CACNA1E: variants seen among roughly 807,000 people sequenced by gnomAD.
The protein encoded by CACNA1E is calcium voltage-gated channel subunit alpha1 E.
Under a neutral mutation model 259.2 loss-of-function variants are expected in CACNA1E, and 40 were observed. The ratio of observed to expected loss-of-function variants is 0.15; its 90% confidence interval spans 0.12 to 0.20. The LOEUF (loss-of-function observed/expected upper bound fraction) is 0.20, where lower values mean the gene tolerates loss of function less well. Ranked by LOEUF, CACNA1E falls within the 10% of genes least tolerant of loss-of-function variation. CACNA1E has a pLI of 1.00. For synonymous variants in CACNA1E, 1,104 were observed against 1,138.5 expected, an observed-to-expected ratio of 0.97 and a Z score of 0.61; for missense variants, 1,874 against 3,040.1, an observed-to-expected ratio of 0.62 and a Z score of 9.02.
At chr1:181,786,528 A>G (rs914803821) in intron 43 of CACNA1E, among the ~76,000 whole-genome samples, 3 of 151,424 alleles carry the variant, frequency 2.0e-5, no homozygotes, top group Non-Finnish European at 4.4e-5. Context: ...TACTTTTTCT[A>G]TAATAGGAGT....
intron 1 of CACNA1E, among the ~76,000 whole-genome samples, chr1:181,405,946 A>G (rs989182659): frequency 1.3e-5 from 2 of 152,226 alleles, no homozygotes; most frequent in African/African-American, 4.8e-5. Flanking sequence ...AAAAAATTTT[A>G]TTGAAATACA....
chr1:181,575,294 C>A (rs1015693301), intron 3 of CACNA1E, among the ~76,000 whole-genome samples: 1 of 152,168 alleles, frequency 6.6e-6, no homozygotes, highest in Non-Finnish European at 1.5e-5. Flanking sequence ...GTAGTTTCAG[C>A]CAAAGACTAA....
intron 3 of CACNA1E, among the ~76,000 whole-genome samples, chr1:181,574,328 T>G (rs537573607): frequency 7.2e-5 from 11 of 152,326 alleles, no homozygotes; most frequent in African/African-American, 2.6e-4. Context: ...CTCATTAGAC[T>G]CTAAATGCTT....
intron 7 of CACNA1E, among the ~76,000 whole-genome samples, chr1:181,663,403 C>T (rs974180897): frequency 6.6e-6 from 1 of 152,184 alleles, no homozygotes; most frequent in South Asian, 2.1e-4. Flanking sequence ...CACTATCTTC[C>T]TGTGCTTTGG....
intron 43 of CACNA1E, among the ~76,000 whole-genome samples, chr1:181,788,989 T>G (rs1304100637): frequency 6.6e-6 from 1 of 152,202 alleles, no homozygotes; most frequent in Non-Finnish European, 1.5e-5. Context: ...CTCAGCCTCC[T>G]GTGCAGCTGG....
chr1:181,766,333 C>A (rs1659022147), intron 34 of CACNA1E, among the ~76,000 whole-genome samples: 1 of 152,152 alleles, frequency 6.6e-6, no homozygotes, highest in South Asian at 2.1e-4. Flanking sequence ...AATTTTAAGC[C>A]TCCCTTTGGC....
At chr1:181,440,432 G>A (rs1030993307) in intron 2 of CACNA1E, among the ~76,000 whole-genome samples, 7 of 152,176 alleles carry the variant, frequency 4.6e-5, no homozygotes, top group Non-Finnish European at 7.3e-5. Flanking sequence ...GGTGGCCCAG[G>A]GGAGGTGGAC....
intron 46 of CACNA1E, among the ~76,000 whole-genome samples, chr1:181,795,921 A>T (rs941807132): frequency 1.3e-4 from 20 of 151,866 alleles, no homozygotes; most frequent in African/African-American, 4.6e-4. Context: ...TCAATCCTGG[A>T]CTTCTCACCA....
At position 181,804,579 on chromosome 1, in the gene CACNA1E, A is replaced by C. The variant is rs2102938508; in HGVS notation, c.*5745A>C. 1 of 152,326 alleles carries C rather than the reference A, an allele frequency of 6.6e-6. No homozygotes were observed. The highest frequency in any genetic ancestry group is 6.5e-5 in the Admixed American group (1 of 15,296). The allele number at this position is 152,326 out of a possible 1,614,324, so 9.4% of individuals were successfully genotyped here. ...TAAATGAAAACTATTGGAAGTCAAT[A>C]GTTTTTTATATTCCAGCTTTCTGTA... On this transcript the variant is annotated 3_prime_UTR_variant, in exon 48 of 48. Coordinates refer to ENST00000367573, the MANE Select transcript of CACNA1E (RefSeq NM_001205293.3).
chr1:181,506,491 A>G (rs532894312), intron 1 of CACNA1E, among the ~76,000 whole-genome samples: 9 of 152,328 alleles, frequency 5.9e-5, no homozygotes, highest in Middle Eastern at 3.4e-3. Flanking sequence ...TGCATTGAAC[A>G]TTGACTAAGC....
chr1:181,325,534 G>A (rs1405061753), intron 1 of CACNA1E, among the ~76,000 whole-genome samples: 3 of 152,214 alleles, frequency 2.0e-5, no homozygotes, highest in South Asian at 2.1e-4. Context: ...CTCTAGGGGC[G>A]GGGCCAAGCC....
intron 22 of CACNA1E, 87 bp from the exon 23 acceptor site, chr1:181,737,438 G>T (rs1413926340): frequency 2.7e-6 from 4 of 1,483,314 alleles, no homozygotes; most frequent in Non-Finnish European, 2.8e-6. Context: ...CTGTCTGGAA[G>T]GGGCCAATAT....
intron 7 of CACNA1E, among the ~76,000 whole-genome samples, chr1:181,656,127 T>A (rs1659188527): frequency 6.6e-6 from 1 of 152,248 alleles, no homozygotes; most frequent in Non-Finnish European, 1.5e-5. Context: ...TGTTACTGAT[T>A]TGGCATTTAC....
rs369934954 is a variant in CACNA1E at position 181,733,489 on chromosome 1, G to A, written c.3001G>A (p.Glu1001Lys). 3 of 1,576,612 alleles carry A rather than the reference G, an allele frequency of 1.9e-6. No homozygotes were observed. The highest frequency in any genetic ancestry group is 2.7e-5 in the African/African-American group (2 of 73,772). ...RGSGLAGGLDEADTPLVLPHP... is the reference protein window; with the variant it reads ...RGSGLAGGLDKADTPLVLPHP... ...CTCCGGGCTGGCAGGAGGCCTTGATGAGGCTGACACCCCCCTAGTCCTGCC... is the reference window on the plus strand; with the variant it reads ...CTCCGGGCTGGCAGGAGGCCTTGATAAGGCTGACACCCCCCTAGTCCTGCC... The change falls in exon 21 of 48, where the codon GAG (glutamate) becomes AAG (lysine). Residue 1001 changes from glutamate (E) to lysine (K), a missense_variant. Physicochemically the swap from Glu to Lys is moderately conservative, Grantham distance 56. This residue lies in a region of CACNA1E where 476 missense variants were observed against 514.0 expected (regional missense o/e 0.93). Coordinates refer to ENST00000367573, the MANE Select transcript of CACNA1E (RefSeq NM_001205293.3).
At chr1:181,512,510 T>C (rs1279454553) in intron 3 of CACNA1E, among the ~76,000 whole-genome samples, 1 of 152,134 alleles carries the variant, frequency 6.6e-6, no homozygotes, top group East Asian at 1.9e-4. Flanking sequence ...AAAAGAGGAA[T>C]TGTTTTCCAG....
chr1:181,774,067 C>CA (rs1051801787), intron 37 of CACNA1E, among the ~76,000 whole-genome samples: 2 of 152,228 alleles, frequency 1.3e-5, no homozygotes, highest in South Asian at 2.1e-4. Context: ...AAGCTAAGAA[C>CA]AAAAAATGTG....
chr1:181,737,699 G>A (rs550774680), intron 23 of CACNA1E, 45 bp downstream of exon 23: 2 of 1,592,670 alleles, frequency 1.3e-6, no homozygotes, highest in African/African-American at 1.3e-5. Flanking sequence ...GTGCTCTGGT[G>A]CTCACCCCAT....
intron 3 of CACNA1E, among the ~76,000 whole-genome samples, chr1:181,553,010 A>C (rs1380845947): frequency 6.6e-6 from 1 of 152,194 alleles, no homozygotes; most frequent in Non-Finnish European, 1.5e-5. Context: ...ATGAAATTTA[A>C]AGTAGTTTTT....
At chr1:181,477,882 G>A (rs1238385867) in intron 2 of CACNA1E, among the ~76,000 whole-genome samples, 1 of 152,216 alleles carries the variant, frequency 6.6e-6, no homozygotes, top group African/African-American at 2.4e-5. Context: ...ACAGCCCAGT[G>A]GAGCAGAATG....
Sources: allele counts gnomAD v4.1 joint callset (sites outside exome capture counted in the v4.1 genomes callset), GRCh38; gene constraint gnomAD v4.1.1; regional missense constraint gnomAD v4.1.1; transcripts MANE v1.5; gene names NCBI Gene and HGNC (gene_info 2026-07-23, HGNC 2026-07-21).